Variants in DDX10 observed in about 807,000 individuals in gnomAD.
DDX10 encodes the protein DEAD-box helicase 10.
DDX10 carries 74 observed loss-of-function variants against 104.3 expected under a neutral mutation model. That is an observed-to-expected ratio of 0.71 (90% CI 0.59 to 0.86). DDX10 has a LOEUF of 0.86. DDX10 is among the 40% of genes least tolerant of loss of function. The probability of loss-of-function intolerance (pLI) is 0.00; values close to 1 mark genes in which losing one functional copy is unlikely to be tolerated. For synonymous variants in DDX10, 351 were observed against 353.4 expected, an observed-to-expected ratio of 0.99 and a Z score of 0.08; for missense variants, 952 against 1,040.0, an observed-to-expected ratio of 0.92 and a Z score of 1.16.
intron 16 of DDX10, among the ~76,000 whole-genome samples, chr11:108,898,401 C>G (rs148047371): frequency 8.6e-5 from 13 of 151,874 alleles, no homozygotes; most frequent in Non-Finnish European, 1.9e-4. Flanking sequence ...CAGACATGAC[C>G]GAAAAATCAT....
intron 13 of DDX10, among the ~76,000 whole-genome samples, chr11:108,745,496 C>T (rs988345986): frequency 2.6e-5 from 4 of 152,054 alleles, no homozygotes; most frequent in African/African-American, 4.8e-5. Context: ...CCTTGGCCTT[C>T]CAAAGTGTTA....
intron 13 of DDX10, among the ~76,000 whole-genome samples, chr11:108,813,263 G>C (rs1020170932): frequency 2.2e-4 from 33 of 151,152 alleles, no homozygotes; most frequent in African/African-American, 7.0e-4. Flanking sequence ...CATAATATCT[G>C]ATGCCACTTT....
At chr11:108,668,470 A>T (rs2094212847) in intron 1 of DDX10, among the ~76,000 whole-genome samples, 1 of 152,194 alleles carries the variant, frequency 6.6e-6, no homozygotes, top group Non-Finnish European at 1.5e-5. Context: ...GCAGTGTGAA[A>T]TCAGTTGTCA....
chr11:108,789,939 C>T (rs1004396777), intron 13 of DDX10, among the ~76,000 whole-genome samples: 6 of 152,120 alleles, frequency 3.9e-5, no homozygotes, highest in Admixed American at 2.0e-4. Flanking sequence ...CCTGTAACTC[C>T]GAACCAATTA....
At chr11:108,857,099 T>C (rs1248211834) in intron 16 of DDX10, among the ~76,000 whole-genome samples, 1 of 152,246 alleles carries the variant, frequency 6.6e-6, no homozygotes, top group Non-Finnish European at 1.5e-5. Flanking sequence ...GCTTCTTTGG[T>C]GGCAGAACTG....
chr11:108,930,559 A>T (rs1863963057), intron 17 of DDX10, among the ~76,000 whole-genome samples: 1 of 152,204 alleles, frequency 6.6e-6, no homozygotes, highest in Admixed American at 6.5e-5. Context: ...TTAGTTTTAT[A>T]AGAAACTGCT....
chr11:108,753,914 A>AT (rs2094341426), intron 13 of DDX10, among the ~76,000 whole-genome samples: 1 of 152,146 alleles, frequency 6.6e-6, no homozygotes, highest in Admixed American at 6.6e-5. Context: ...GAAGTGCTGA[A>AT]TACAGGGTCG....
chr11:108,924,307 C>T (rs1863879641), intron 17 of DDX10, among the ~76,000 whole-genome samples: 1 of 152,128 alleles, frequency 6.6e-6, no homozygotes, highest in Non-Finnish European at 1.5e-5. Context: ...AGAATTCTTA[C>T]ATGGTGCAGG....
intron 14 of DDX10, among the ~76,000 whole-genome samples, chr11:108,840,250 T>C (rs1169100831): frequency 2.0e-5 from 3 of 152,190 alleles, no homozygotes; most frequent in Non-Finnish European, 4.4e-5. Context: ...TGAGGCTCCA[T>C]AGGAATCTCA....
intron 13 of DDX10, among the ~76,000 whole-genome samples, chr11:108,825,322 G>A (rs1862381340): frequency 6.6e-6 from 1 of 152,142 alleles, no homozygotes; most frequent in Non-Finnish European, 1.5e-5. Context: ...ATATATGAAA[G>A]TTGTTTTTCT....
At chr11:108,672,661 C>T (rs2094218614) in intron 1 of DDX10, among the ~76,000 whole-genome samples, 1 of 152,176 alleles carries the variant, frequency 6.6e-6, no homozygotes, top group African/African-American at 2.4e-5. Flanking sequence ...AATAAATGAA[C>T]CATACAAATG....
intron 17 of DDX10, 164 bp downstream of exon 17, chr11:108,918,182 C>T (rs1425025483): frequency 8.7e-6 from 6 of 686,272 alleles, no homozygotes; most frequent in South Asian, 7.9e-5. Flanking sequence ...TTTTTTTACT[C>T]ATTTTGCTGC....
chr11:108,799,637 C>T lies in DDX10; in HGVS notation c.1966-38809C>T, dbSNP rs189282968. On this transcript the variant is annotated intron_variant, in intron 13 of 17. Coordinates refer to ENST00000322536, the MANE Select transcript of DDX10 (RefSeq NM_004398.4). ...AAGTGTTCATTTTCTTGCAGACTTC[C>T]CATTGAGAAAGGTCTAGTCTGAGTT... Among the ~76,000 whole-genome samples the T allele has an allele frequency of 4.6e-5, 7 of 152,274 alleles. No homozygotes were observed. In the East Asian group the frequency reaches 1.3e-3, roughly 29 times the overall value.
chr11:108,927,189 TCAGA>T (rs750112817), intron 17 of DDX10, among the ~76,000 whole-genome samples: 25 of 152,208 alleles, frequency 1.6e-4, no homozygotes, highest in Middle Eastern at 3.2e-3. Flanking sequence ...GAAAAGCTGC[TCAGA>T]CAGTCTAATA....
intron 16 of DDX10, among the ~76,000 whole-genome samples, chr11:108,860,217 T>G (rs951817600): frequency 2.0e-5 from 3 of 152,226 alleles, no homozygotes; most frequent in African/African-American, 7.2e-5. Context: ...GAATAAGTTA[T>G]CTATACCATA....
chr11:108,882,638 G>A (rs1386440998), intron 16 of DDX10, among the ~76,000 whole-genome samples: 1 of 152,184 alleles, frequency 6.6e-6, no homozygotes, highest in African/African-American at 2.4e-5. Flanking sequence ...GTTGTTATAT[G>A]TAAATAGAGA....
At chr11:108,701,835 G>A (rs982015972) in intron 9 of DDX10, among the ~76,000 whole-genome samples, 1 of 151,798 alleles carries the variant, frequency 6.6e-6, no homozygotes, top group Non-Finnish European at 1.5e-5. Flanking sequence ...TACAGGGTGC[G>A]CCACCATACC....
intron 13 of DDX10, among the ~76,000 whole-genome samples, chr11:108,803,836 C>A (rs764687973): frequency 2.1e-4 from 32 of 152,100 alleles, no homozygotes; most frequent in South Asian, 6.2e-4. Context: ...AGCAAATGCT[C>A]ATGTGTTAGA....
At chr11:108,807,111 T>C (rs1862112607) in intron 13 of DDX10, among the ~76,000 whole-genome samples, 1 of 152,172 alleles carries the variant, frequency 6.6e-6, no homozygotes, top group South Asian at 2.1e-4. Flanking sequence ...AACAGAAATA[T>C]ATTTCTGAGA....
Sources: allele counts gnomAD v4.1 joint callset (sites outside exome capture counted in the v4.1 genomes callset), GRCh38; gene constraint gnomAD v4.1.1; transcripts MANE v1.5; gene names NCBI Gene and HGNC (gene_info 2026-07-23, HGNC 2026-07-21).